The following PLOD2 variants were observed in gnomAD, a reference collection of about 807,000 sequenced individuals.
PLOD2 encodes the protein procollagen-lysine,2-oxoglutarate 5-dioxygenase 2, also known as lysine hydroxylase 2.
In PLOD2, 65 loss-of-function variants were observed where a neutral mutation model predicts 101.0. The observed-to-expected ratio is 0.64, with a 90% CI of 0.53 to 0.79. The LOEUF is 0.79. Ranked by LOEUF, PLOD2 falls within the 30% of genes least tolerant of loss-of-function variation. The probability of loss-of-function intolerance (pLI) is 0.00; values close to 1 mark genes in which losing one functional copy is unlikely to be tolerated. For missense variants in PLOD2, 909 were observed against 914.6 expected, an observed-to-expected ratio of 0.99 and a Z score of 0.08; for synonymous variants, 314 against 302.9, an observed-to-expected ratio of 1.04 and a Z score of -0.38.
chr3:146,154,142 T>A (rs959384089), intron 1 of PLOD2, among the ~76,000 whole-genome samples: 10 of 152,222 alleles, frequency 6.6e-5, no homozygotes, highest in Non-Finnish European at 1.3e-4. Context: ...GAAACACTTT[T>A]CCTGACCACT....
intron 8 of PLOD2, among the ~76,000 whole-genome samples, chr3:146,090,210 T>C (rs934426553): frequency 1.3e-5 from 2 of 151,344 alleles, no homozygotes; most frequent in African/African-American, 2.4e-5. Flanking sequence ...ATAAAGAAAC[T>C]TGCCTATGGC....
intron 1 of PLOD2, among the ~76,000 whole-genome samples, chr3:146,132,838 A>G (rs768776553): frequency 6.6e-6 from 1 of 152,234 alleles, no homozygotes; most frequent in Non-Finnish European, 1.5e-5. Flanking sequence ...TTGTATATTT[A>G]TGGTCAATAA....
chr3:146,073,792 T>C (rs2107995862), intron 15 of PLOD2: 1 of 151,602 alleles, frequency 6.6e-6, no homozygotes, highest in South Asian at 2.1e-4. Flanking sequence ...AGTAGGTAAA[T>C]AAAGGTGTGC....
intron 15 of PLOD2, 158 bp from the exon 16 acceptor site, chr3:146,073,510 G>A (rs1298991173): frequency 5.8e-6 from 2 of 345,206 alleles, no homozygotes; most frequent in Non-Finnish European, 1.1e-5. Flanking sequence ...CCTAATCTTT[G>A]CCTGGTTCTG....
chr3:146,118,365 T>G (rs1265837155), intron 3 of PLOD2, among the ~76,000 whole-genome samples: 1 of 152,154 alleles, frequency 6.6e-6, no homozygotes, highest in Non-Finnish European at 1.5e-5. Flanking sequence ...AAGTGTTATG[T>G]ATCTTTTGAA....
At chr3:146,079,281 T>C in intron 12 of PLOD2, 24 bp from the exon 13 acceptor site, 2 of 1,566,262 alleles carry the variant, frequency 1.3e-6, no homozygotes, top group East Asian at 2.2e-5. Flanking sequence ...GAAGACATTC[T>C]TATATACCAC....
At chr3:146,150,801 T>A (rs1320992106) in intron 1 of PLOD2, among the ~76,000 whole-genome samples, 1 of 152,156 alleles carries the variant, frequency 6.6e-6, no homozygotes, top group Non-Finnish European at 1.5e-5. Flanking sequence ...CTGAAACAGA[T>A]GAATATAAGT....
intron 7 of PLOD2, among the ~76,000 whole-genome samples, chr3:146,101,166 A>C (rs1399750103): frequency 6.6e-6 from 1 of 152,144 alleles, no homozygotes; most frequent in African/African-American, 2.4e-5. Context: ...TCTGACCTGG[A>C]GCTTAGGAAA....
intron 12 of PLOD2, among the ~76,000 whole-genome samples, chr3:146,079,884 A>G (rs574012052): frequency 6.6e-6 from 1 of 152,144 alleles, no homozygotes; most frequent in East Asian, 1.9e-4. Flanking sequence ...CATCTTAAAT[A>G]TTTTATAGAA....
intron 3 of PLOD2, among the ~76,000 whole-genome samples, chr3:146,118,981 A>T (rs928477680): frequency 3.3e-5 from 5 of 152,152 alleles, no homozygotes; most frequent in Non-Finnish European, 7.3e-5. Context: ...CATCATCTTT[A>T]ATTACATCAT....
Position 146,073,477 on chromosome 3 carries a change from T to C in PLOD2, c.1678-125A>G, listed in dbSNP as rs147733526. On this transcript the variant is annotated intron_variant, in intron 15 of 19. Transcript: ENST00000282903. ...TTATGTATAGTGGACAAAATAGTAATTTTCAGAAATCACAGTATATAGCCT... is the reference window on the plus strand; with the variant it reads ...TTATGTATAGTGGACAAAATAGTAACTTTCAGAAATCACAGTATATAGCCT... The C allele has an allele frequency of 3.8e-4, 161 of 422,350 alleles. 1 individual carries two copies. Among genetic ancestry groups the C allele is most frequent in the African/African-American group, 3.2e-3 (157 of 48,972 alleles). The allele number at this position is 422,350 out of a possible 1,614,324, so 26.2% of individuals were successfully genotyped here.
At chr3:146,131,093 T>C (rs906174977) in intron 1 of PLOD2, among the ~76,000 whole-genome samples, 1 of 152,220 alleles carries the variant, frequency 6.6e-6, no homozygotes, top group Non-Finnish European at 1.5e-5. Context: ...TTATGGGCAC[T>C]GAATCTCTAA....
intron 1 of PLOD2, among the ~76,000 whole-genome samples, chr3:146,135,064 T>C (rs2108115714): frequency 6.6e-6 from 1 of 152,374 alleles, no homozygotes; most frequent in South Asian, 2.1e-4. Flanking sequence ...TTGCTTACTT[T>C]ACTCCACATT....
chr3:146,151,594 G>A (rs1160345582), intron 1 of PLOD2, among the ~76,000 whole-genome samples: 1 of 152,168 alleles, frequency 6.6e-6, no homozygotes, highest in Non-Finnish European at 1.5e-5. Context: ...CTCAAGGTTG[G>A]TGAGTGGAAG....
intron 7 of PLOD2, among the ~76,000 whole-genome samples, chr3:146,099,017 TC>T (rs1937293811): frequency 6.6e-6 from 1 of 152,174 alleles, no homozygotes; most frequent in Admixed American, 6.5e-5. Context: ...TCAAATTTTC[TC>T]GAGTTTTTGT....
intron 7 of PLOD2, among the ~76,000 whole-genome samples, chr3:146,098,202 C>T (rs1369875493): frequency 3.3e-5 from 5 of 152,004 alleles, no homozygotes; most frequent in Admixed American, 2.6e-4. Flanking sequence ...CACATGTATC[C>T]AAGAACTTAA....
At chr3:146,092,776 T>G (rs990483323) in intron 7 of PLOD2, among the ~76,000 whole-genome samples, 3 of 152,024 alleles carry the variant, frequency 2.0e-5, no homozygotes, top group Non-Finnish European at 4.4e-5. Flanking sequence ...CAAACAAAAT[T>G]TTTAATATCC....
At chr3:146,071,500 C>A in intron 17 of PLOD2, 77 bp from the exon 18 acceptor site, 1 of 1,328,650 alleles carries the variant, frequency 7.5e-7, no homozygotes, top group Non-Finnish European at 1.1e-6. Flanking sequence ...TTTTTTTCAA[C>A]CACAGATCAT....
chr3:146,148,339 C>A (rs2031887054), intron 1 of PLOD2, among the ~76,000 whole-genome samples: 1 of 1,260 alleles, frequency 7.9e-4, no homozygotes, highest in South Asian at 0.083. Context: ...GGCAGGCACG[C>A]ACACACACAC....
Sources: allele counts gnomAD v4.1 joint callset (sites outside exome capture counted in the v4.1 genomes callset), GRCh38; gene constraint gnomAD v4.1.1; transcripts MANE v1.5; gene names NCBI Gene and HGNC (gene_info 2026-07-23, HGNC 2026-07-21).